The following WFDC9 variants were observed in gnomAD, a reference collection of about 807,000 sequenced individuals.
WFDC9 encodes the protein protein WFDC9.
WFDC9 carries 9 observed loss-of-function variants against 9.5 expected under a neutral mutation model. The ratio of observed to expected loss-of-function variants is 0.95; its 90% CI spans 0.57 to 1.65. The LOEUF is 1.65. WFDC9 is among the 40% of genes most tolerant of loss of function. The probability of loss-of-function intolerance (pLI) is 0.00; values close to 1 mark genes in which losing one functional copy is unlikely to be tolerated. For synonymous variants in WFDC9, 33 were observed against 32.3 expected (o/e 1.02, Z -0.07); for missense variants, 87 against 106.7 (o/e 0.82, Z 0.81).
chr20:45,608,163 A>C (rs903480181), intron 4 of WFDC9, 23 bp from the exon 5 acceptor site: 2 of 1,606,852 alleles, frequency 1.2e-6, no homozygotes, highest in Admixed American at 3.5e-5. Flanking sequence ...AGTTAGTCAA[A>C]AGTCAAGAAT....
chr20:45,628,529 A>G (rs1982275011), intron 1 of WFDC9, among the ~76,000 whole-genome samples: 1 of 152,216 alleles, frequency 6.6e-6, no homozygotes, highest in Non-Finnish European at 1.5e-5. Context: ...GATAGTTATG[A>G]CAGTGTCCAG....
At chr20:45,619,796 G>A (rs3092045) in intron 1 of WFDC9, among the ~76,000 whole-genome samples, 52,155 of 151,954 alleles carry the variant, frequency 0.34, 9,088 homozygotes, top group Middle Eastern at 0.43. Context: ...AGGCTGAAGC[G>A]GGTGGATTAC....
chr20:45,619,573 A>T (rs1166418283), intron 1 of WFDC9, among the ~76,000 whole-genome samples: 1 of 152,246 alleles, frequency 6.6e-6, no homozygotes, highest in Non-Finnish European at 1.5e-5. Context: ...TGAGATCTAC[A>T]TTAAGAAACA....
chr20:45,620,765 T>C (rs752742056), intron 1 of WFDC9, among the ~76,000 whole-genome samples: 6 of 152,162 alleles, frequency 3.9e-5, no homozygotes, highest in Non-Finnish European at 8.8e-5. Context: ...ATGTCCTCTA[T>C]GTTGAATGTT....
chr20:45,628,186 C>T (rs1391320219), intron 1 of WFDC9, among the ~76,000 whole-genome samples: 5 of 152,160 alleles, frequency 3.3e-5, no homozygotes, highest in Admixed American at 1.3e-4. Context: ...ATACAATATA[C>T]TTTTTATTTC....
intron 1 of WFDC9, among the ~76,000 whole-genome samples, chr20:45,627,975 A>G (rs1982259142): frequency 6.6e-6 from 1 of 152,080 alleles, no homozygotes; most frequent in Admixed American, 6.6e-5. Context: ...GTATATTTTA[A>G]TTAAGTCAAG....
At chr20:45,620,562 AGCCTG>A (rs1329752545) in intron 1 of WFDC9, among the ~76,000 whole-genome samples, 1 of 152,244 alleles carries the variant, frequency 6.6e-6, no homozygotes, top group Admixed American at 6.5e-5. Context: ...GCTGTACTCC[AGCCTG>A]GGTGATAGAG....
chr20:45,611,377 A>G (rs1199340945), intron 2 of WFDC9, among the ~76,000 whole-genome samples: 1 of 152,132 alleles, frequency 6.6e-6, no homozygotes, highest in Non-Finnish European at 1.5e-5. Context: ...TGAACAATTT[A>G]TGTAGTTGTG....
rs371707446 is a variant in WFDC9 at position 45,608,838 on chromosome 20, G to A, written c.92-28C>T. 48 of 1,591,534 alleles carry A rather than the reference G, an allele frequency of 3.0e-5. 1 individual carries two copies. The South Asian group carries it at 3.6e-4, about 12-fold the overall frequency. The stretch of plus-strand genomic sequence containing the variant: ...GAGATGGAAGAAGTTAGCAGGGTCC[G>A]TCTATTCACAACTCAGACAAGAAAC... On this transcript the variant is annotated intron_variant, in intron 3 of 4. Transcript: ENST00000326000.
chr20:45,630,838 G>A (rs762385663), intron 1 of WFDC9: 2 of 1,553,510 alleles, frequency 1.3e-6, no homozygotes, highest in Admixed American at 3.8e-5. Context: ...CTAGGAAACT[G>A]CGTTTATTTA....
chr20:45,608,365 A>T (rs912244354), intron 4 of WFDC9, among the ~76,000 whole-genome samples: 4 of 152,094 alleles, frequency 2.6e-5, no homozygotes, highest in Admixed American at 2.6e-4. Context: ...GGAGACGCCC[A>T]ACTAAGGGGT....
chr20:45,609,355 C>A (rs564770571), intron 3 of WFDC9, among the ~76,000 whole-genome samples: 3 of 152,168 alleles, frequency 2.0e-5, no homozygotes, highest in Admixed American at 1.3e-4. Context: ...AGGAGCACAC[C>A]ACCATGCCTG....
At chr20:45,627,216 T>C (rs1982238434) in intron 1 of WFDC9, among the ~76,000 whole-genome samples, 1 of 152,190 alleles carries the variant, frequency 6.6e-6, no homozygotes, top group African/African-American at 2.4e-5. Flanking sequence ...GAATTGGGTT[T>C]GTTAGTATTT....
intron 1 of WFDC9, among the ~76,000 whole-genome samples, chr20:45,615,647 AT>A (rs907604331): frequency 1.3e-5 from 2 of 152,182 alleles, no homozygotes; most frequent in African/African-American, 4.8e-5. Flanking sequence ...AAAATGAAAT[AT>A]TTAATAGTTG....
At chr20:45,631,005 T>A (rs1304794441) in intron 1 of WFDC9, 198 bp downstream of exon 1, 1 of 1,600,850 alleles carries the variant, frequency 6.2e-7, no homozygotes, top group Non-Finnish European at 8.5e-7. Flanking sequence ...AATGTTTGCA[T>A]GAGCATCCTG....
At chr20:45,630,920 T>G in intron 1 of WFDC9, 2 of 1,611,160 alleles carry the variant, frequency 1.2e-6, no homozygotes, top group Non-Finnish European at 1.7e-6. Context: ...GCCTAAACTA[T>G]ATCTATGCAA....
At chr20:45,623,365 C>T (rs548276035) in intron 1 of WFDC9, among the ~76,000 whole-genome samples, 1 of 152,104 alleles carries the variant, frequency 6.6e-6, no homozygotes, top group Admixed American at 6.5e-5. Context: ...TTAGGCCAGG[C>T]GTGGTGGCTC....
At chr20:45,611,236 T>C (rs1377468940) in intron 2 of WFDC9, among the ~76,000 whole-genome samples, 1 of 152,124 alleles carries the variant, frequency 6.6e-6, no homozygotes, top group African/African-American at 2.4e-5. Context: ...AGAAACTTGC[T>C]TTAGTCCAGA....
At chr20:45,608,619 T>G (rs1981780367) in intron 4 of WFDC9, 44 bp downstream of exon 4, 9 of 1,584,374 alleles carry the variant, frequency 5.7e-6, no homozygotes, top group Non-Finnish European at 6.0e-6. Context: ...GGACCAGTGA[T>G]GAAGCATGCC....
Sources: allele counts gnomAD v4.1 joint callset (sites outside exome capture counted in the v4.1 genomes callset), GRCh38; gene constraint gnomAD v4.1.1; transcripts MANE v1.5; gene names NCBI Gene and HGNC (gene_info 2026-07-23, HGNC 2026-07-21).